Variants in DCC observed in about 807,000 individuals in gnomAD.
DCC encodes the protein DCC netrin 1 receptor, also known as netrin receptor DCC.
Under a neutral mutation model 172.5 loss-of-function variants are expected in DCC, and 58 were observed. The ratio of observed to expected loss-of-function variants is 0.34; its 90% confidence interval spans 0.27 to 0.42. DCC has a LOEUF of 0.42. Among genes scored for constraint, DCC ranks in the 10% least tolerant of loss-of-function variants. The pLI, the probability that DCC is intolerant of heterozygous loss-of-function variation, is 1.00. For synonymous variants in DCC, 709 were observed against 644.5 expected, an observed-to-expected ratio of 1.10 and a Z score of -1.52; for missense variants, 1,740 against 1,791.0, an observed-to-expected ratio of 0.97 and a Z score of 0.51.
intron 2 of DCC, among the ~76,000 whole-genome samples, chr18:52,787,847 A>G (rs922231182): frequency 6.6e-6 from 1 of 152,158 alleles, no homozygotes; most frequent in Non-Finnish European, 1.5e-5. Flanking sequence ...AGCCTTTACT[A>G]TTGCATGAAA....
chr18:52,704,720 C>T (rs548449629), intron 1 of DCC, among the ~76,000 whole-genome samples: 9 of 152,318 alleles, frequency 5.9e-5, no homozygotes, highest in South Asian at 2.1e-4. Context: ...TCCTTTGTCA[C>T]GCACTTAAGG....
chr18:53,019,554 C>T (rs183307967), intron 5 of DCC, among the ~76,000 whole-genome samples: 28 of 152,214 alleles, frequency 1.8e-4, no homozygotes, highest in Admixed American at 1.3e-4. Flanking sequence ...ATTCTGCCAC[C>T]TCACTTATCC....
chr18:52,499,488 A>G (rs1451458311), intron 1 of DCC, among the ~76,000 whole-genome samples: 1 of 152,100 alleles, frequency 6.6e-6, no homozygotes, highest in Non-Finnish European at 1.5e-5. Context: ...TACTTTTTGG[A>G]TGCAATAAGA....
intron 19 of DCC, among the ~76,000 whole-genome samples, chr18:53,403,294 T>C (rs1294360536): frequency 3.7e-5 from 2 of 53,844 alleles, no homozygotes; most frequent in Admixed American, 3.1e-4. Flanking sequence ...TGACTGTGTT[T>C]GTGTGTGTTT....
chr18:53,190,877 C>T (rs1315603759), intron 9 of DCC, among the ~76,000 whole-genome samples: 2 of 152,052 alleles, frequency 1.3e-5, no homozygotes, highest in East Asian at 1.9e-4. Flanking sequence ...ACCTGGGAGG[C>T]GGAGCTTGCA....
intron 22 of DCC, among the ~76,000 whole-genome samples, chr18:53,442,464 C>T (rs1398934303): frequency 2.0e-5 from 3 of 152,200 alleles, no homozygotes; most frequent in Non-Finnish European, 4.4e-5. Flanking sequence ...AACCGATAAA[C>T]TGTTGTGTGT....
At chr18:52,814,143 C>A (rs550499458) in intron 2 of DCC, among the ~76,000 whole-genome samples, 7 of 152,192 alleles carry the variant, frequency 4.6e-5, no homozygotes, top group Admixed American at 1.3e-4. Flanking sequence ...TGAGCCACAG[C>A]TAAGATATCG....
chr18:52,775,564 TG>T (rs1210598746), intron 2 of DCC, among the ~76,000 whole-genome samples: 1 of 152,202 alleles, frequency 6.6e-6, no homozygotes, highest in Non-Finnish European at 1.5e-5. Flanking sequence ...CCCCCAGAGT[TG>T]GGCTGCTGGG....
chr18:53,501,635 A>C lies in DCC; in HGVS notation c.4111+2125A>C, dbSNP rs111548964. ...ACAAAAAGTAAAGTGCGGTTGCAGC[A>C]GTTTATGCTGTTAATGTTCTCTCGG... On this transcript the variant is annotated intron_variant, in intron 27 of 28. Transcript: ENST00000442544. Among the ~76,000 whole-genome samples the C allele has an allele frequency of 5.5e-3, 832 of 152,336 alleles. 5 individuals carry two copies. The highest frequency in any genetic ancestry group is 0.019 in the African/African-American group (784 of 41,582).
intron 12 of DCC, among the ~76,000 whole-genome samples, chr18:53,228,254 A>T (rs1178107181): frequency 6.6e-6 from 1 of 151,648 alleles, no homozygotes; most frequent in Non-Finnish European, 1.5e-5. Flanking sequence ...CGTTGTTAGT[A>T]AAAAAATAAA....
At chr18:53,441,600 C>G (rs146170206) in intron 22 of DCC, among the ~76,000 whole-genome samples, 1 of 152,270 alleles carries the variant, frequency 6.6e-6, no homozygotes, top group Non-Finnish European at 1.5e-5. Context: ...GTCTCTCATT[C>G]TTTCCTCCCC....
chr18:52,604,655 A>G (rs1370482607), intron 1 of DCC, among the ~76,000 whole-genome samples: 1 of 152,130 alleles, frequency 6.6e-6, no homozygotes. Context: ...AGAATCACAC[A>G]TAGTATGTCC....
chr18:52,729,324 A>C (rs932665964), intron 1 of DCC, among the ~76,000 whole-genome samples: 2 of 152,032 alleles, frequency 1.3e-5, no homozygotes. Context: ...CAGTGGTGCA[A>C]TCTCGGCTCA....
chr18:53,345,709 CT>C (rs200965801), intron 15 of DCC, among the ~76,000 whole-genome samples: 6 of 151,016 alleles, frequency 4.0e-5, no homozygotes, highest in Middle Eastern at 3.4e-3. Context: ...CTTAATTCTA[CT>C]TTTTTTTTCT....
At chr18:52,435,919 C>T (rs763860211) in intron 1 of DCC, among the ~76,000 whole-genome samples, 25 of 152,306 alleles carry the variant, frequency 1.6e-4, no homozygotes, top group African/African-American at 2.4e-4. Context: ...CAATCCTGCC[C>T]GCTGAACCAA....
chr18:52,412,648 G>C (rs140657286), intron 1 of DCC, among the ~76,000 whole-genome samples: 1 of 152,154 alleles, frequency 6.6e-6, no homozygotes, highest in East Asian at 1.9e-4. Context: ...TTGAACCAAG[G>C]CTTGTGCCCC....
chr18:53,321,739 A>G (rs565947864), intron 13 of DCC, among the ~76,000 whole-genome samples: 42 of 152,272 alleles, frequency 2.8e-4, no homozygotes, highest in East Asian at 1.2e-3. Context: ...AGTAAGGAAA[A>G]ATTATCCATG....
At chr18:52,534,310 A>C (rs371737835) in intron 1 of DCC, among the ~76,000 whole-genome samples, 1 of 152,196 alleles carries the variant, frequency 6.6e-6, no homozygotes, top group African/African-American at 2.4e-5. Flanking sequence ...TAAATCAAGC[A>C]TATGAAAAAA....
At chr18:52,590,748 C>T (rs929671148) in intron 1 of DCC, among the ~76,000 whole-genome samples, 2 of 152,232 alleles carry the variant, frequency 1.3e-5, no homozygotes, top group Admixed American at 6.5e-5. Context: ...GATTTCTGTG[C>T]TTAGCACAAA....
Sources: allele counts gnomAD v4.1 joint callset (sites outside exome capture counted in the v4.1 genomes callset), GRCh38; gene constraint gnomAD v4.1.1; transcripts MANE v1.5; gene names NCBI Gene and HGNC (gene_info 2026-07-23, HGNC 2026-07-21).